RALYL: variants seen among roughly 807,000 people sequenced by gnomAD.
The protein encoded by RALYL is RALY RNA binding protein like, also known as RNA-binding Raly-like protein.
A neutral mutation model predicts 35.1 loss-of-function variants in RALYL; 29 were observed. That is an observed-to-expected ratio of 0.83 (90% CI 0.61 to 1.13). The LOEUF is 1.13. Among genes scored for constraint, RALYL ranks in the 50% most tolerant of loss-of-function variants. The pLI is 0.00. For missense variants in RALYL, 359 were observed against 360.4 expected, an observed-to-expected ratio of 1.00 and a Z score of 0.03; for synonymous variants, 120 against 127.6, an observed-to-expected ratio of 0.94 and a Z score of 0.40.
At chr8:84,855,581 T>A (rs1836791699) in intron 5 of RALYL, among the ~76,000 whole-genome samples, 1 of 152,202 alleles carries the variant, frequency 6.6e-6, no homozygotes, top group Non-Finnish European at 1.5e-5. Context: ...TGAATGGCAT[T>A]TTCTTTTAAA....
intron 1 of RALYL, among the ~76,000 whole-genome samples, chr8:84,523,830 A>G (rs537960202): frequency 1.3e-5 from 2 of 152,012 alleles, no homozygotes; most frequent in South Asian, 4.2e-4. Flanking sequence ...CCATGTCCCT[A>G]CAAAGGACAT....
At chr8:84,679,689 A>C in intron 2 of RALYL, 1 of 508,860 alleles carries the variant, frequency 2.0e-6, no homozygotes, top group South Asian at 1.5e-5. Context: ...GAACTAATTC[A>C]TCAGTTGGAT....
chr8:84,725,882 C>T (rs989070751), intron 2 of RALYL, among the ~76,000 whole-genome samples: 2 of 151,534 alleles, frequency 1.3e-5, no homozygotes, highest in Non-Finnish European at 3.0e-5. Context: ...GTCACAAACA[C>T]ATTTAATAGT....
chr8:84,195,483 C>T (rs1188096127), intron 1 of RALYL, among the ~76,000 whole-genome samples: 1 of 152,092 alleles, frequency 6.6e-6, no homozygotes, highest in Non-Finnish European at 1.5e-5. Flanking sequence ...AAACATTGGT[C>T]TTACCCTCCT....
rs527852161 is a variant in RALYL, at chr8:84,302,808, C to T, written c.-24+118384C>T. Among the ~76,000 whole-genome samples, 3 of 152,258 alleles carry T rather than the reference C, an allele frequency of 2.0e-5. No individual in the cohort carries two copies. The South Asian group carries it at 6.2e-4, about 32-fold the overall frequency. On this transcript the variant is annotated intron_variant, in intron 1 of 8. Transcript: ENST00000521268. ...GTGAGTCTTTCAAGTACCTTTCTGT[C>T]AATGAGCATTTATAAGGTCTCTCCA... is the stretch of plus-strand genomic sequence containing the variant.
At chr8:84,400,640 G>GC (rs2042797987) in intron 1 of RALYL, among the ~76,000 whole-genome samples, 2 of 152,176 alleles carry the variant, frequency 1.3e-5, no homozygotes, top group South Asian at 4.1e-4. Context: ...GATTGTGCCA[G>GC]CCATAGTGTA....
At chr8:84,612,696 G>C (rs538742818) in intron 2 of RALYL, among the ~76,000 whole-genome samples, 1 of 151,720 alleles carries the variant, frequency 6.6e-6, no homozygotes, top group Admixed American at 6.6e-5. Context: ...ACAACTCTGT[G>C]CTATTTGGGA....
At chr8:84,313,352 C>T (rs1293129918) in intron 1 of RALYL, among the ~76,000 whole-genome samples, 2 of 152,180 alleles carry the variant, frequency 1.3e-5, no homozygotes, top group Non-Finnish European at 2.9e-5. Flanking sequence ...AAATTTGGCT[C>T]CTCATTACTT....
At chr8:84,812,465 C>A (rs1200956853) in intron 4 of RALYL, among the ~76,000 whole-genome samples, 1 of 152,044 alleles carries the variant, frequency 6.6e-6, no homozygotes, top group Non-Finnish European at 1.5e-5. Context: ...TGGAGAGGAA[C>A]CAATGGTGGG....
intron 4 of RALYL, among the ~76,000 whole-genome samples, chr8:84,846,213 T>A (rs1834622925): frequency 6.6e-6 from 1 of 152,212 alleles, no homozygotes; most frequent in South Asian, 2.1e-4. Flanking sequence ...TAGCATTGCA[T>A]CTGTAAATTG....
At chr8:84,479,398 G>A (rs895055829) in intron 1 of RALYL, among the ~76,000 whole-genome samples, 3 of 152,074 alleles carry the variant, frequency 2.0e-5, no homozygotes, top group Non-Finnish European at 4.4e-5. Context: ...GAAAGTTTGG[G>A]CAAACCATTT....
chr8:84,251,867 T>TG (rs1027059013), intron 1 of RALYL, among the ~76,000 whole-genome samples: 1 of 151,980 alleles, frequency 6.6e-6, no homozygotes, highest in Admixed American at 6.6e-5. Flanking sequence ...CTCTAATGAT[T>TG]GGGGGGAAGT....
At chr8:84,916,530 A>G (rs1266829227) in intron 8 of RALYL, among the ~76,000 whole-genome samples, 1 of 151,578 alleles carries the variant, frequency 6.6e-6, no homozygotes, top group Non-Finnish European at 1.5e-5. Flanking sequence ...TATAGGGGGG[A>G]GTTTCCCTGC....
chr8:84,724,715 A>C lies in RALYL; in HGVS notation c.257-49864A>C, dbSNP rs568510391. On this transcript the variant is annotated intron_variant, in intron 2 of 8. Coordinates refer to ENST00000521268, the MANE Select transcript of RALYL (RefSeq NM_173848.7). ...CAATTATCCCATTGGATTTTATTTC[A>C]TCATCTTCCCCACACTATGTACAGT... 3.3e-5 allele frequency among the ~76,000 whole-genome samples: 5 copies of C among 151,856 alleles called. No individual in the cohort carries two copies. In the East Asian group the frequency reaches 9.7e-4, roughly 29 times the overall value.
chr8:84,429,351 A>G (rs1483319344), intron 1 of RALYL, among the ~76,000 whole-genome samples: 1 of 152,158 alleles, frequency 6.6e-6, no homozygotes, highest in Non-Finnish European at 1.5e-5. Flanking sequence ...AGTGCTGTTG[A>G]GATTTGACAT....
intron 2 of RALYL, among the ~76,000 whole-genome samples, chr8:84,571,868 C>T (rs1042646829): frequency 6.6e-6 from 1 of 151,652 alleles, no homozygotes; most frequent in South Asian, 2.1e-4. Context: ...TCTTTATTTA[C>T]CCAAAAGCCA....
intron 1 of RALYL, among the ~76,000 whole-genome samples, chr8:84,525,161 C>T (rs1157889704): frequency 6.6e-6 from 1 of 151,866 alleles, no homozygotes; most frequent in Non-Finnish European, 1.5e-5. Context: ...TTTCCACCAT[C>T]ATAGAAAATT....
At chr8:84,394,236 G>A (rs1861308856) in intron 1 of RALYL, among the ~76,000 whole-genome samples, 1 of 152,008 alleles carries the variant, frequency 6.6e-6, no homozygotes, top group Non-Finnish European at 1.5e-5. Flanking sequence ...TAAATTCCAG[G>A]TGTAGCTTGT....
At chr8:84,412,871 A>G (rs926565568) in intron 1 of RALYL, among the ~76,000 whole-genome samples, 14 of 152,046 alleles carry the variant, frequency 9.2e-5, no homozygotes, top group Non-Finnish European at 1.5e-4. Flanking sequence ...TTGACCTGAA[A>G]TTCCAAGGTG....
Sources: gnomAD v4.1 joint callset for allele counts (sites outside exome capture counted in the v4.1 genomes callset) on GRCh38, gnomAD v4.1.1 for gene constraint, MANE v1.5 for transcripts, NCBI Gene and HGNC (gene_info 2026-07-23, HGNC 2026-07-21) for gene names.